GRM5: variants seen among roughly 807,000 people sequenced by gnomAD.
GRM5 encodes metabotropic glutamate receptor 5.
GRM5 carries 19 observed loss-of-function variants against 83.1 expected under a neutral mutation model. That is an observed-to-expected ratio of 0.23 (90% CI 0.16 to 0.34). The LOEUF (loss-of-function observed/expected upper bound fraction) is 0.34, where lower values mean the gene tolerates loss of function less well. Among genes scored for constraint, GRM5 ranks in the 10% least tolerant of loss-of-function variants. GRM5 has a pLI of 1.00. For synonymous variants in GRM5, 675 were observed against 633.6 expected (o/e 1.07, Z -0.98); for missense variants, 1,160 against 1,588.3 (o/e 0.73, Z 4.58).
At chr11:88,655,374 A>G (rs1169674916) in intron 3 of GRM5, among the ~76,000 whole-genome samples, 3 of 151,978 alleles carry the variant, frequency 2.0e-5, no homozygotes, top group African/African-American at 7.2e-5. Context: ...CGTGTTGCAA[A>G]TGGGACAGGA....
intron 3 of GRM5, among the ~76,000 whole-genome samples, chr11:88,714,251 A>C (rs1941350212): frequency 6.6e-6 from 1 of 151,996 alleles, no homozygotes; most frequent in Non-Finnish European, 1.5e-5. Context: ...CAGGCCATGT[A>C]CTGGGTTTTT....
At chr11:89,041,188 A>G (rs888335167) in intron 2 of GRM5, among the ~76,000 whole-genome samples, 7 of 152,234 alleles carry the variant, frequency 4.6e-5, no homozygotes, top group African/African-American at 1.7e-4. Flanking sequence ...GCTACATCCT[A>G]AGAGATGATC....
intron 2 of GRM5, among the ~76,000 whole-genome samples, chr11:88,896,602 A>T (rs769988732): frequency 8.6e-5 from 13 of 151,892 alleles, no homozygotes; most frequent in Non-Finnish European, 1.6e-4. Flanking sequence ...CTTGAGACTG[A>T]AGAAGACCAG....
intron 2 of GRM5, among the ~76,000 whole-genome samples, chr11:88,911,077 T>A (rs1945489107): frequency 6.6e-6 from 1 of 152,098 alleles, no homozygotes; most frequent in African/African-American, 2.4e-5. Flanking sequence ...TAAGAATATA[T>A]TTTTTCCTAG....
At chr11:88,739,667 T>C (rs1356416140) in intron 3 of GRM5, among the ~76,000 whole-genome samples, 1 of 152,034 alleles carries the variant, frequency 6.6e-6, no homozygotes, top group Non-Finnish European at 1.5e-5. Context: ...GTTTTATAAG[T>C]GTTTGGCAAG....
chr11:88,826,406 A>C (rs1459608118), intron 3 of GRM5, among the ~76,000 whole-genome samples: 1 of 151,720 alleles, frequency 6.6e-6, no homozygotes, highest in Non-Finnish European at 1.5e-5. Flanking sequence ...GGCCATTATC[A>C]ACTACAAATA....
intron 3 of GRM5, among the ~76,000 whole-genome samples, chr11:88,798,186 T>G (rs984118470): frequency 6.6e-6 from 1 of 152,202 alleles, no homozygotes; most frequent in Non-Finnish European, 1.5e-5. Flanking sequence ...CTAATCAGTG[T>G]TGAGTGATAT....
At chr11:88,995,744 G>C (rs1892878) in intron 2 of GRM5, among the ~76,000 whole-genome samples, 1 of 151,840 alleles carries the variant, frequency 6.6e-6, no homozygotes, top group South Asian at 2.1e-4. Context: ...CATTTCTAAT[G>C]ATATGATTGA....
intron 3 of GRM5, among the ~76,000 whole-genome samples, chr11:88,678,422 C>A (rs925733518): frequency 6.6e-6 from 1 of 152,082 alleles, no homozygotes; most frequent in Non-Finnish European, 1.5e-5. Context: ...TTATCTGGAC[C>A]ACACCATCTA....
intron 2 of GRM5, among the ~76,000 whole-genome samples, chr11:88,905,012 G>A (rs1945379857): frequency 6.6e-6 from 1 of 152,132 alleles, no homozygotes; most frequent in African/African-American, 2.4e-5. Context: ...TGATTATGCT[G>A]CCGAATTGTG....
chr11:89,053,766 A>G (rs547004702), intron 1 of GRM5, among the ~76,000 whole-genome samples: 2 of 152,362 alleles, frequency 1.3e-5, no homozygotes, highest in South Asian at 4.1e-4. Context: ...CCAAAGAAGC[A>G]TAAACTGAAA....
At chr11:88,669,430 C>T (rs964188773) in intron 3 of GRM5, among the ~76,000 whole-genome samples, 1 of 151,988 alleles carries the variant, frequency 6.6e-6, no homozygotes, top group African/African-American at 2.4e-5. Flanking sequence ...GATGTCTTCA[C>T]TCACTACTTT....
chr11:88,783,449 G>T (rs1184044061), intron 3 of GRM5, among the ~76,000 whole-genome samples: 1 of 152,004 alleles, frequency 6.6e-6, no homozygotes, highest in African/African-American at 2.4e-5. Flanking sequence ...ACACTAAAAA[G>T]AAACAAATAA....
intron 2 of GRM5, among the ~76,000 whole-genome samples, chr11:89,042,811 G>A (rs1941563162): frequency 6.6e-6 from 1 of 152,140 alleles, no homozygotes; most frequent in Non-Finnish European, 1.5e-5. Flanking sequence ...ACATTTTTAA[G>A]TAAATAACTG....
At chr11:88,614,917 C>A (rs1049972992) in intron 4 of GRM5, among the ~76,000 whole-genome samples, 22 of 152,114 alleles carry the variant, frequency 1.4e-4, no homozygotes, top group Non-Finnish European at 2.2e-4. Flanking sequence ...CCCTGTATCA[C>A]CTTTTTAAAA....
chr11:88,567,067 A>G lies in GRM5; in HGVS notation c.2616T>C (p.Ser872=), dbSNP rs753066753. 1 of 1,610,132 alleles carries G rather than the reference A, an allele frequency of 6.2e-7. No homozygotes were observed. The highest frequency in any genetic ancestry group is 1.1e-5 in the South Asian group (1 of 90,674). Reference sequence around the variant, plus strand: ...ACAACTTTTACCTTAAGGTTTCCCCAGAGGAGCCCCTTCTCTTCCACAGGT... The same window carrying G: ...ACAACTTTTACCTTAAGGTTTCCCCGGAGGAGCCCCTTCTCTTCCACAGGT... ...LVNLWKRRGS[S]GETLRYKDRR... is the part of the protein sequence containing the mutation. The change falls in exon 8 of 10, where the codon TCT becomes TCC. Residue 872 remains serine (S), a synonymous_variant. Transcript: ENST00000305447. The surrounding 1 kb of genome is among the most constrained non-coding windows in gnomAD (Gnocchi z 7.3).
At chr11:88,658,912 AC>A (rs1161381347) in intron 3 of GRM5, among the ~76,000 whole-genome samples, 1 of 152,128 alleles carries the variant, frequency 6.6e-6, no homozygotes, top group Admixed American at 6.6e-5. Context: ...GTAGTGGGGA[AC>A]CAGTGATGGC....
chr11:89,065,301 CACACACACACAG>C (rs1340447525), intron 1 of GRM5, among the ~76,000 whole-genome samples: 5 of 122,660 alleles, frequency 4.1e-5, no homozygotes, highest in South Asian at 6.4e-4. Context: ...CACACACACA[CACACACACACAG>C]ACAGAGGGAG....
chr11:88,764,522 G>A (rs996800371), intron 3 of GRM5, among the ~76,000 whole-genome samples: 7 of 151,514 alleles, frequency 4.6e-5, no homozygotes, highest in African/African-American at 1.7e-4. Context: ...GACTACAAAA[G>A]AGTGAAATTA....
Sources: gnomAD v4.1 joint callset for allele counts (sites outside exome capture counted in the v4.1 genomes callset) on GRCh38, gnomAD v4.1.1 for gene constraint, Gnocchi (gnomAD v3.1) non-coding constraint, MANE v1.5 for transcripts, NCBI Gene and HGNC (gene_info 2026-07-23, HGNC 2026-07-21) for gene names.